Variants in ERBB4 observed in about 807,000 individuals in gnomAD.
ERBB4 encodes receptor tyrosine-protein kinase erbB-4.
ERBB4 carries 42 observed loss-of-function variants against 158.0 expected under a neutral mutation model. That is an observed-to-expected ratio of 0.27 (90% CI 0.21 to 0.34). ERBB4 has a LOEUF of 0.34. Ranked by LOEUF, ERBB4 falls within the 10% of genes least tolerant of loss-of-function variation. The pLI, the probability that ERBB4 is intolerant of heterozygous loss-of-function variation, is 1.00. For synonymous variants in ERBB4, 583 were observed against 558.7 expected (o/e 1.04, Z -0.61); for missense variants, 1,333 against 1,624.1 (o/e 0.82, Z 3.08).
intron 1 of ERBB4, among the ~76,000 whole-genome samples, chr2:212,235,988 A>C (rs1027431940): frequency 6.6e-6 from 1 of 152,210 alleles, no homozygotes; most frequent in Non-Finnish European, 1.5e-5. Context: ...CCCTAGCCAG[A>C]ACTTCCAGTA....
intron 4 of ERBB4, among the ~76,000 whole-genome samples, chr2:211,773,638 A>G (rs1575126527): frequency 1.1e-5 from 1 of 89,638 alleles, no homozygotes; most frequent in African/African-American, 4.3e-5. Flanking sequence ...ATATATATAT[A>G]TATATATATA....
At chr2:212,494,607 C>G (rs73069006) in intron 1 of ERBB4, among the ~76,000 whole-genome samples, 2,692 of 152,072 alleles carry the variant, frequency 0.018, 72 homozygotes, top group African/African-American at 0.06. Flanking sequence ...TTAATTATAA[C>G]CCGAATGGAA....
chr2:212,129,713 A>G (rs2080052035), intron 1 of ERBB4, among the ~76,000 whole-genome samples: 1 of 151,992 alleles, frequency 6.6e-6, no homozygotes, highest in African/African-American at 2.4e-5. Flanking sequence ...TTGAATAAGT[A>G]TGTTTAGAAA....
chr2:212,116,159 A>G (rs1329867166), intron 2 of ERBB4, among the ~76,000 whole-genome samples: 2 of 151,698 alleles, frequency 1.3e-5, no homozygotes. Flanking sequence ...AGCGGTTGCT[A>G]ATTTACATTT....
At chr2:212,098,374 C>T (rs2078989475) in intron 2 of ERBB4, among the ~76,000 whole-genome samples, 1 of 152,126 alleles carries the variant, frequency 6.6e-6, no homozygotes, top group Admixed American at 6.5e-5. Flanking sequence ...GCAGTGAGGC[C>T]AGATTTGAGA....
At chr2:211,680,305 G>A (rs377508501) in intron 12 of ERBB4, among the ~76,000 whole-genome samples, 12 of 152,012 alleles carry the variant, frequency 7.9e-5, no homozygotes, top group Non-Finnish European at 1.6e-4. Context: ...TTTTAGTGAC[G>A]GGAGATTTGA....
chr2:212,188,253 TCC>T (rs2082087181), intron 1 of ERBB4, among the ~76,000 whole-genome samples: 4 of 27,204 alleles, frequency 1.5e-4, no homozygotes, highest in Middle Eastern at 0.05. Context: ...TCTCACCCCC[TCC>T]CTCCCTCCCT....
intron 3 of ERBB4, among the ~76,000 whole-genome samples, chr2:211,852,641 T>TG: frequency 6.6e-6 from 1 of 151,452 alleles, no homozygotes; most frequent in South Asian, 2.1e-4. Context: ...GCCAACTTTT[T>TG]TTTTTTTTTT....
At chr2:212,481,051 A>G (rs1344344646) in intron 1 of ERBB4, among the ~76,000 whole-genome samples, 1 of 152,184 alleles carries the variant, frequency 6.6e-6, no homozygotes, top group Non-Finnish European at 1.5e-5. Context: ...TGTTGGATTA[A>G]GTGTACATGT....
intron 3 of ERBB4, among the ~76,000 whole-genome samples, chr2:211,925,537 C>A (rs1253012488): frequency 6.6e-6 from 1 of 151,708 alleles, no homozygotes. Context: ...ACCCGCCACA[C>A]CTGGCTAATT....
intron 3 of ERBB4, among the ~76,000 whole-genome samples, chr2:211,885,760 A>AT (rs1295516459): frequency 6.6e-6 from 1 of 152,098 alleles, no homozygotes; most frequent in Non-Finnish European, 1.5e-5. Flanking sequence ...TGCCTGGCCG[A>AT]TTTTTTTAAT....
intron 5 of ERBB4, among the ~76,000 whole-genome samples, chr2:211,749,988 A>G (rs2075081855): frequency 6.6e-6 from 1 of 152,100 alleles, no homozygotes; most frequent in African/African-American, 2.4e-5. Context: ...TGGTTTGAGT[A>G]CTAAACAACA....
chr2:211,603,161 G>A (rs111538022), intron 19 of ERBB4, among the ~76,000 whole-genome samples: 1,956 of 152,260 alleles, frequency 0.013, 19 homozygotes, highest in Middle Eastern at 0.044. Flanking sequence ...AACCCGGGAG[G>A]CGGAGGTTGC....
At chr2:211,417,320 A>T (rs560498437) in intron 25 of ERBB4, among the ~76,000 whole-genome samples, 2,548 of 88,602 alleles carry the variant, frequency 0.029, 39 homozygotes, top group Middle Eastern at 0.054. Context: ...AAAAAAATAT[A>T]AAAAAAAATT....
chr2:211,871,882 T>C (rs975821260), intron 3 of ERBB4, among the ~76,000 whole-genome samples: 6 of 151,888 alleles, frequency 4.0e-5, no homozygotes, highest in Admixed American at 3.9e-4. Context: ...GTGATAGAAA[T>C]GTATGGAGAG....
chr2:211,884,022 C>T (rs1260550076), intron 3 of ERBB4, among the ~76,000 whole-genome samples: 1 of 152,072 alleles, frequency 6.6e-6, no homozygotes, highest in Non-Finnish European at 1.5e-5. Flanking sequence ...TAAAATATGT[C>T]TTCTTATAAA....
chr2:211,794,326 C>G (rs192008063), intron 3 of ERBB4, among the ~76,000 whole-genome samples: 3 of 151,810 alleles, frequency 2.0e-5, no homozygotes, highest in African/African-American at 4.8e-5. Flanking sequence ...ACTGATTACC[C>G]GAGCCACTTA....
chr2:212,260,897 A>G (rs1399904018), intron 1 of ERBB4, among the ~76,000 whole-genome samples: 1 of 152,178 alleles, frequency 6.6e-6, no homozygotes, highest in East Asian at 1.9e-4. Context: ...TGACAGGAAA[A>G]TGGGAAATTA....
intron 1 of ERBB4, among the ~76,000 whole-genome samples, chr2:212,502,628 A>G (rs1690957000): frequency 6.6e-6 from 1 of 152,168 alleles, no homozygotes; most frequent in African/African-American, 2.4e-5. Flanking sequence ...CTAAGCACAC[A>G]GCTTGATCAT....
Sources: gnomAD v4.1 joint callset for allele counts (sites outside exome capture counted in the v4.1 genomes callset) on GRCh38, gnomAD v4.1.1 for gene constraint, MANE v1.5 for transcripts, NCBI Gene and HGNC (gene_info 2026-07-23, HGNC 2026-07-21) for gene names.